The following DARS1 variants were observed in gnomAD, a reference collection of about 807,000 sequenced individuals.
DARS1 encodes the protein aspartyl-tRNA synthetase 1, also known as aspartate--tRNA ligase, cytoplasmic.
In DARS1, 51 loss-of-function variants were observed where a neutral mutation model predicts 68.8. The observed-to-expected ratio is 0.74, with a 90% CI of 0.59 to 0.94. The LOEUF is 0.94. Among genes scored for constraint, DARS1 ranks in the 40% least tolerant of loss-of-function variants. DARS1 has a pLI of 0.00. For missense variants in DARS1, 607 were observed against 597.3 expected (o/e 1.02, Z -0.17); for synonymous variants, 203 against 190.4 (o/e 1.07, Z -0.55).
At chr2:135,927,872 C>T (rs1321532659) in intron 7 of DARS1, among the ~76,000 whole-genome samples, 1 of 152,076 alleles carries the variant, frequency 6.6e-6, no homozygotes, top group East Asian at 1.9e-4. Context: ...TAAAACACTG[C>T]TATTCTGTAT....
rs368874712 is a variant in DARS1, at chr2:135,979,350, C to T, written c.141G>A (p.Arg47=). 6.9e-7 allele frequency: 1 copy of T among 1,439,674 alleles called. No individual in the cohort carries two copies. Among genetic ancestry groups the T allele is most frequent in the Non-Finnish European group, 9.8e-7 (1 of 1,020,718 alleles). 89.2% of individuals were successfully genotyped at this position (1,439,674 alleles called of 1,614,324 possible). Residue 47 remains arginine, a synonymous_variant, in exon 3 of 16, where the codon CGG becomes CGA. Coordinates refer to ENST00000264161, the MANE Select transcript of DARS1 (RefSeq NM_001349.4). ...CTTTTTGTATTGTCAAGTCTCTAAC[C>T]CGAACCAAAACTCGATCTGTAATAA... ...SQEKPDRVLV[R]VRDLTIQKAD...
chr2:135,978,428 C>T (rs834734), intron 3 of DARS1, among the ~76,000 whole-genome samples: 3,726 of 152,300 alleles, frequency 0.024, 136 homozygotes, highest in African/African-American at 0.084. Flanking sequence ...GGGCAAGTAG[C>T]TTCATTCTGA....
intron 2 of DARS1, chr2:135,980,396 A>C (rs1028047136): frequency 4.6e-5 from 7 of 152,246 alleles, no homozygotes; most frequent in African/African-American, 1.7e-4. Flanking sequence ...ACCTTTTGAG[A>C]CATAAAGTCA....
intron 4 of DARS1, among the ~76,000 whole-genome samples, chr2:135,956,832 C>T (rs758790780): frequency 2.0e-5 from 3 of 150,380 alleles, no homozygotes; most frequent in Non-Finnish European, 3.0e-5. Context: ...GGTGTGATCT[C>T]GGCTCACTGC....
At chr2:135,938,982 C>T (rs1681533879) in intron 5 of DARS1, among the ~76,000 whole-genome samples, 1 of 152,142 alleles carries the variant, frequency 6.6e-6, no homozygotes, top group Non-Finnish European at 1.5e-5. Context: ...ATATATGCAC[C>T]CAATACAGGA....
Position 135,985,527 on chromosome 2 carries a change from C to T in DARS1, c.-59G>A, listed in dbSNP as rs1682763815. 1.2e-6 allele frequency: 2 copies of T among 1,612,812 alleles called. No individual in the cohort carries two copies. The highest frequency in any genetic ancestry group is 1.3e-5 in the African/African-American group (1 of 74,934). ...CCCTCGCAGGCTTCCGTAAGGCAGG[C>T]CAAAGGGGCTTCTCCCTCCCTCCCA... is the stretch of plus-strand genomic sequence containing the variant. On this transcript the variant is annotated 5_prime_UTR_variant, in exon 1 of 16. Coordinates refer to ENST00000264161, the MANE Select transcript of DARS1 (RefSeq NM_001349.4).
At chr2:135,941,648 A>C (rs1252552860) in intron 5 of DARS1, among the ~76,000 whole-genome samples, 1 of 149,960 alleles carries the variant, frequency 6.7e-6, no homozygotes, top group South Asian at 2.1e-4. Context: ...CAAAAGCCAA[A>C]ATTGACAAAT....
chr2:135,928,536 C>T (rs564399197), intron 7 of DARS1, among the ~76,000 whole-genome samples: 33 of 150,964 alleles, frequency 2.2e-4, no homozygotes, highest in South Asian at 2.1e-4. Context: ...TTAGTAGAGA[C>T]GGGGTTTCGC....
chr2:135,910,585 G>C (rs1680874924), intron 15 of DARS1, among the ~76,000 whole-genome samples: 1 of 152,062 alleles, frequency 6.6e-6, no homozygotes, highest in Admixed American at 6.6e-5. Flanking sequence ...TGAAAAAACT[G>C]TCTCTCGACC....
intron 9 of DARS1, among the ~76,000 whole-genome samples, chr2:135,921,194 C>T (rs1291156308): frequency 6.6e-6 from 1 of 150,900 alleles, no homozygotes; most frequent in African/African-American, 2.4e-5. Context: ...ACTCATCTTT[C>T]ACATCACTAA....
At chr2:135,951,402 A>T (rs879495004) in intron 4 of DARS1, among the ~76,000 whole-genome samples, 1 of 152,206 alleles carries the variant, frequency 6.6e-6, no homozygotes, top group Non-Finnish European at 1.5e-5. Flanking sequence ...TCAAACCAGT[A>T]ATTTTCTAAT....
chr2:135,942,189 A>G (rs1681617438), intron 5 of DARS1, among the ~76,000 whole-genome samples: 1 of 152,172 alleles, frequency 6.6e-6, no homozygotes, highest in Non-Finnish European at 1.5e-5. Context: ...ATGCTGCTAT[A>G]AAGACACATG....
intron 13 of DARS1, chr2:135,911,731 A>C (rs1196524007): frequency 1.9e-5 from 7 of 367,458 alleles, no homozygotes; most frequent in African/African-American, 1.5e-4. Context: ...CATCACATCT[A>C]ATTTTTAAGA....
chr2:135,949,509 A>G (rs1281943218), intron 4 of DARS1, among the ~76,000 whole-genome samples: 1 of 152,186 alleles, frequency 6.6e-6, no homozygotes, highest in African/African-American at 2.4e-5. Flanking sequence ...ATCCAGAAAT[A>G]CAGGCCTGGA....
In DARS1 at chr2:135,932,846, A is replaced by AG. The variant is rs1420297590; in HGVS notation, c.505-5_505-4insC. 3 of 691,810 alleles carry AG rather than the reference A, an allele frequency of 4.3e-6. No individual in the cohort carries two copies. The highest frequency in any genetic ancestry group is 5.6e-6 in the Non-Finnish European group (3 of 532,092). 42.9% of individuals were successfully genotyped at this position (691,810 alleles called of 1,614,324 possible). On this transcript the variant is annotated splice_region_variant and splice_polypyrimidine_tract_variant and intron_variant, in intron 6 of 15. Transcript: ENST00000264161. ...GGTTAACAGTAGCTCTTCCTTCCTA[A>AG]AAAAAAAAAAAAAGAAAAGAAAAAA...
chr2:135,912,073 T>C (rs1425896516), intron 13 of DARS1, among the ~76,000 whole-genome samples: 1 of 152,144 alleles, frequency 6.6e-6, no homozygotes, highest in African/African-American at 2.4e-5. Flanking sequence ...CATGGTAAAG[T>C]TTAGAAACCA....
At chr2:135,931,830 T>C (rs1446044195) in intron 7 of DARS1, among the ~76,000 whole-genome samples, 1 of 152,094 alleles carries the variant, frequency 6.6e-6, no homozygotes, top group Non-Finnish European at 1.5e-5. Context: ...TTTTCAATGG[T>C]GGCAATGAAT....
At chr2:135,971,034 C>G (rs1340462458) in intron 3 of DARS1, among the ~76,000 whole-genome samples, 1 of 152,108 alleles carries the variant, frequency 6.6e-6, no homozygotes, top group Non-Finnish European at 1.5e-5. Context: ...GGACTCACAC[C>G]AATCCTACTC....
intron 15 of DARS1, chr2:135,910,713 A>C (rs1415126984): frequency 6.6e-6 from 1 of 152,572 alleles, no homozygotes. Flanking sequence ...AGAGTGTTTG[A>C]TATGGACATC....
Sources: allele counts gnomAD v4.1 joint callset (sites outside exome capture counted in the v4.1 genomes callset), GRCh38; gene constraint gnomAD v4.1.1; transcripts MANE v1.5; gene names NCBI Gene and HGNC (gene_info 2026-07-23, HGNC 2026-07-21).